The following GMDS variants were observed in gnomAD, a reference collection of about 807,000 sequenced individuals.
The protein encoded by GMDS is GDP-mannose 4,6 dehydratase.
A neutral mutation model predicts 49.9 loss-of-function variants in GMDS; 20 were observed. That is an observed-to-expected ratio of 0.40 (90% CI 0.28 to 0.58). The LOEUF is 0.58. Among genes scored for constraint, GMDS ranks in the 20% least tolerant of loss-of-function variants. The pLI, the probability that GMDS is intolerant of heterozygous loss-of-function variation, is 0.42. For missense variants in GMDS, 362 were observed against 481.4 expected (o/e 0.75, Z 2.32); for synonymous variants, 177 against 178.6 (o/e 0.99, Z 0.07).
chr6:1,665,615 G>A (rs189357789), intron 9 of GMDS, among the ~76,000 whole-genome samples: 1 of 152,344 alleles, frequency 6.6e-6, no homozygotes, highest in East Asian at 1.9e-4. Flanking sequence ...GCACGGGGCA[G>A]AAGGCTTTGC....
chr6:1,950,396 G>A (rs776611603), intron 6 of GMDS, among the ~76,000 whole-genome samples: 6 of 152,110 alleles, frequency 3.9e-5, no homozygotes, highest in African/African-American at 9.7e-5. Flanking sequence ...ATAACAAAAA[G>A]TAAACATGTT....
At chr6:2,245,008 G>A (rs1053054077) in intron 1 of GMDS, among the ~76,000 whole-genome samples, 2 of 152,242 alleles carry the variant, frequency 1.3e-5, no homozygotes, top group African/African-American at 4.8e-5. Context: ...TGGGCTTGGA[G>A]GAAGAGACGC....
At chr6:1,847,060 C>A (rs925825943) in intron 7 of GMDS, among the ~76,000 whole-genome samples, 8 of 152,004 alleles carry the variant, frequency 5.3e-5, no homozygotes, top group African/African-American at 1.9e-4. Context: ...ATTTCCCCCA[C>A]CCCCTTTTTA....
chr6:2,109,067 G>C (rs186366737), intron 4 of GMDS, among the ~76,000 whole-genome samples: 261 of 152,264 alleles, frequency 1.7e-3, no homozygotes, highest in Middle Eastern at 0.014. Context: ...CAAATGACAG[G>C]CCTCAGTCCC....
intron 1 of GMDS, among the ~76,000 whole-genome samples, chr6:2,150,001 A>G (rs1269435241): frequency 6.6e-6 from 1 of 152,162 alleles, no homozygotes; most frequent in East Asian, 1.9e-4. Context: ...GTATAGGTTG[A>G]GTCCTGATAT....
intron 7 of GMDS, among the ~76,000 whole-genome samples, chr6:1,844,241 T>C (rs937392617): frequency 6.6e-6 from 1 of 152,148 alleles, no homozygotes; most frequent in Non-Finnish European, 1.5e-5. Context: ...TTTTTCCTAG[T>C]GTGGTATATT....
In GMDS at chr6:2,245,582, G is replaced by A. The variant is rs1446427889; in HGVS notation, c.-160C>T. 3 of 403,656 alleles carry A rather than the reference G, an allele frequency of 7.4e-6. No individual in the cohort carries two copies. The highest frequency in any genetic ancestry group is 1.3e-5 in the Non-Finnish European group (3 of 233,062). 25.0% of individuals were successfully genotyped at this position (403,656 alleles called of 1,614,324 possible). A position where few individuals can be genotyped will look rare whatever the true frequency, so the allele number is the denominator to read the frequency against. ...GACCGGCCGCCACAGTCTGACAGGG[G>A]CGCACGGGAGGCCGTGCAGGGAGGG... On this transcript the variant is annotated 5_prime_UTR_variant, in exon 1 of 11. Coordinates refer to ENST00000380815, the MANE Select transcript of GMDS (RefSeq NM_001500.4).
At chr6:2,027,449 G>T (rs1768671933) in intron 4 of GMDS, among the ~76,000 whole-genome samples, 1 of 152,162 alleles carries the variant, frequency 6.6e-6, no homozygotes, top group South Asian at 2.1e-4. Context: ...GAATTTGAAA[G>T]ATTTTTATTT....
intron 9 of GMDS, among the ~76,000 whole-genome samples, chr6:1,709,901 C>T (rs987801708): frequency 1.3e-5 from 2 of 152,168 alleles, no homozygotes; most frequent in African/African-American, 2.4e-5. Flanking sequence ...TCGACTGAGG[C>T]AGGGTATCTA....
At chr6:2,200,004 T>C (rs1779436840) in intron 1 of GMDS, among the ~76,000 whole-genome samples, 1 of 152,240 alleles carries the variant, frequency 6.6e-6, no homozygotes, top group African/African-American at 2.4e-5. Context: ...TTGTATGTTA[T>C]ACATATGAAC....
rs538039320 is a variant in GMDS, at chr6:1,749,120, G to A, written c.772-6534C>T. Among the ~76,000 whole-genome samples the A allele has an allele frequency of 9.9e-5, 15 of 152,254 alleles. No homozygotes were observed. The South Asian group carries it at 2.3e-3, about 23-fold the overall frequency. ...AACTTCATTGCACGCTTTGCCCCAG[G>A]ACGTGGCTGCCACAATTTCTCAAGA... On this transcript the variant is annotated intron_variant, in intron 7 of 10. Transcript: ENST00000380815.
intron 7 of GMDS, among the ~76,000 whole-genome samples, chr6:1,835,298 C>T (rs999504535): frequency 2.0e-5 from 3 of 152,078 alleles, no homozygotes; most frequent in African/African-American, 4.8e-5. Context: ...TGCTGCAGGT[C>T]GGAACTCAGG....
intron 2 of GMDS, 146 bp from the exon 3 acceptor site, chr6:2,117,702 A>G: frequency 3.3e-6 from 2 of 600,850 alleles, no homozygotes; most frequent in Non-Finnish European, 6.0e-6. Context: ...TTTCTCCCCA[A>G]CCACTGTCCA....
chr6:1,729,520 C>T (rs2113450758), intron 8 of GMDS, among the ~76,000 whole-genome samples: 1 of 152,348 alleles, frequency 6.6e-6, no homozygotes, highest in East Asian at 1.9e-4. Flanking sequence ...TTCTAATTTG[C>T]ACCAGGTCTG....
chr6:1,653,438 A>C (rs1763777366), intron 9 of GMDS, among the ~76,000 whole-genome samples: 1 of 152,220 alleles, frequency 6.6e-6, no homozygotes, highest in South Asian at 2.1e-4. Context: ...CAGAAATAGA[A>C]ATCCATCTTG....
intron 1 of GMDS, among the ~76,000 whole-genome samples, chr6:2,201,378 A>G (rs1287067749): frequency 1.9e-5 from 2 of 105,690 alleles, no homozygotes; most frequent in Non-Finnish European, 3.9e-5. Context: ...CACCACATGC[A>G]CATCTGAGAT....
chr6:2,182,905 G>C (rs570362044), intron 1 of GMDS, among the ~76,000 whole-genome samples: 1 of 151,988 alleles, frequency 6.6e-6, no homozygotes, highest in Non-Finnish European at 1.5e-5. Flanking sequence ...ACAGGGTTTC[G>C]CCATGTTCCC....
chr6:2,007,406 G>A (rs1314662878), intron 4 of GMDS, among the ~76,000 whole-genome samples: 1 of 152,044 alleles, frequency 6.6e-6, no homozygotes, highest in Non-Finnish European at 1.5e-5. Flanking sequence ...ACAATTCTAA[G>A]CATGTACACT....
At chr6:1,758,102 T>TATGTTCAAGAGGGAGA (rs2113541121) in intron 7 of GMDS, among the ~76,000 whole-genome samples, 1 of 152,318 alleles carries the variant, frequency 6.6e-6, no homozygotes, top group East Asian at 1.9e-4. Flanking sequence ...GAGCCAGCCT[T>TATGTTCAAGAGGGAGA]ATGTTCAAGA....
Sources: gnomAD v4.1 joint callset for allele counts (sites outside exome capture counted in the v4.1 genomes callset) on GRCh38, gnomAD v4.1.1 for gene constraint, MANE v1.5 for transcripts, NCBI Gene and HGNC (gene_info 2026-07-23, HGNC 2026-07-21) for gene names.